The following DMGDH variants were observed in gnomAD, a reference collection of about 807,000 sequenced individuals.
The protein encoded by DMGDH is dimethylglycine dehydrogenase, mitochondrial.
In DMGDH, 76 loss-of-function variants were observed where a neutral mutation model predicts 95.2. The ratio of observed to expected loss-of-function variants is 0.80; its 90% CI spans 0.66 to 0.97. The LOEUF is 0.97. DMGDH is among the 50% of genes least tolerant of loss of function. The probability of loss-of-function intolerance (pLI) is 0.00; values close to 1 mark genes in which losing one functional copy is unlikely to be tolerated. For missense variants in DMGDH, 987 were observed against 1,055.0 expected (o/e 0.94, Z 0.89); for synonymous variants, 345 against 377.6 (o/e 0.91, Z 1.00).
chr5:79,005,460 G>C (rs918106413), intron 14 of DMGDH, 53 bp from the exon 15 acceptor site: 42 of 1,611,282 alleles, frequency 2.6e-5, no homozygotes, highest in Middle Eastern at 3.3e-4. Context: ...ACTGTGACAA[G>C]GTTAGAGATG....
intron 14 of DMGDH, among the ~76,000 whole-genome samples, chr5:79,010,403 G>C (rs1333946713): frequency 6.6e-6 from 1 of 152,086 alleles, no homozygotes; most frequent in African/African-American, 2.4e-5. Flanking sequence ...ATACAGTCTT[G>C]GACCTTTTCT....
intron 7 of DMGDH, among the ~76,000 whole-genome samples, chr5:79,036,693 A>G (rs374231991): frequency 7.9e-5 from 12 of 152,202 alleles, no homozygotes; most frequent in East Asian, 3.8e-4. Context: ...ACCAAGAATT[A>G]CAGATATTAT....
chr5:79,032,598 A>G, intron 9 of DMGDH, 89 bp downstream of exon 9: 1 of 1,547,036 alleles, frequency 6.5e-7, no homozygotes, highest in African/African-American at 1.4e-5. Flanking sequence ...GGGTGGAGCA[A>G]TGGAGTGTAA....
chr5:79,057,109 T>C (rs1258465059), intron 2 of DMGDH, among the ~76,000 whole-genome samples: 1 of 152,242 alleles, frequency 6.6e-6, no homozygotes, highest in Non-Finnish European at 1.5e-5. Flanking sequence ...TTTAACCTGT[T>C]TGATGAGCAC....
intron 14 of DMGDH, chr5:79,021,328 G>A: frequency 9.1e-7 from 1 of 1,095,036 alleles, no homozygotes; most frequent in Non-Finnish European, 1.1e-6. Flanking sequence ...TGAGATCTGA[G>A]AGCCATCAGG....
intron 12 of DMGDH, among the ~76,000 whole-genome samples, chr5:79,026,995 C>A (rs1264912757): frequency 6.6e-6 from 1 of 152,168 alleles, no homozygotes; most frequent in African/African-American, 2.4e-5. Flanking sequence ...CCAAAAATCA[C>A]AAGCTTAAAA....
At chr5:79,004,358 G>A (rs913983999) in intron 15 of DMGDH, among the ~76,000 whole-genome samples, 1 of 152,166 alleles carries the variant, frequency 6.6e-6, no homozygotes, top group African/African-American at 2.4e-5. Context: ...CACTCTTTGT[G>A]TTACTGATGA....
At chr5:79,020,530 G>GTACT (rs1281193468) in intron 14 of DMGDH, 1 of 333,762 alleles carries the variant, frequency 3.0e-6, no homozygotes, top group Non-Finnish European at 4.3e-6. Flanking sequence ...CTGGGGTGTG[G>GTACT]AAGGCTTGGT....
intron 14 of DMGDH, 121 bp from the exon 15 acceptor site, chr5:79,005,528 C>T: frequency 7.5e-7 from 1 of 1,336,320 alleles, no homozygotes; most frequent in South Asian, 1.3e-5. Context: ...AATAAAAATA[C>T]AGATCGGATC....
chr5:79,058,507 G>A (rs971525794), intron 2 of DMGDH, among the ~76,000 whole-genome samples: 1 of 152,116 alleles, frequency 6.6e-6, no homozygotes, highest in African/African-American at 2.4e-5. Context: ...TTTCATACAG[G>A]AAACAATTAA....
chr5:79,000,117 T>C (rs557149428), intron 15 of DMGDH: 29 of 463,944 alleles, frequency 6.3e-5, no homozygotes, highest in Admixed American at 4.4e-4. Flanking sequence ...GAACATTTTT[T>C]GTTTTTTTTC....
chr5:79,002,634 A>C (rs77739995), intron 15 of DMGDH, among the ~76,000 whole-genome samples: 9,957 of 152,272 alleles, frequency 0.065, 378 homozygotes, highest in Non-Finnish European at 0.078. Flanking sequence ...CACACACACA[A>C]AAAAGTCAAT....
intron 7 of DMGDH, among the ~76,000 whole-genome samples, chr5:79,034,586 T>C (rs529412655): frequency 6.6e-6 from 1 of 152,108 alleles, no homozygotes; most frequent in Admixed American, 6.5e-5. Context: ...GAAAAGGGGA[T>C]ACAAAGCAGA....
intron 11 of DMGDH, 57 bp downstream of exon 11, chr5:79,029,846 TG>T: frequency 6.4e-7 from 1 of 1,564,492 alleles, no homozygotes; most frequent in Non-Finnish European, 8.8e-7. Context: ...AAAAACTTAA[TG>T]TAAGATTGAG....
At chr5:79,023,010 T>C in intron 14 of DMGDH, among the ~76,000 whole-genome samples, 1 of 152,214 alleles carries the variant, frequency 6.6e-6, no homozygotes, top group East Asian at 1.9e-4. Flanking sequence ...AGATGGTACA[T>C]CATAAAAATA....
chr5:79,001,298 G>T (rs1054572045), intron 15 of DMGDH, among the ~76,000 whole-genome samples: 2 of 152,184 alleles, frequency 1.3e-5, no homozygotes, highest in East Asian at 1.9e-4. Flanking sequence ...GAGTAGCTGG[G>T]ACTACAGGTG....
At chr5:79,013,145 G>A (rs562900932) in intron 14 of DMGDH, among the ~76,000 whole-genome samples, 2 of 151,662 alleles carry the variant, frequency 1.3e-5, no homozygotes, top group South Asian at 4.2e-4. Context: ...ACACACATGA[G>A]CATTGACTGT....
At chr5:79,031,726 T>C (rs968657957) in intron 9 of DMGDH, among the ~76,000 whole-genome samples, 1 of 152,252 alleles carries the variant, frequency 6.6e-6, no homozygotes, top group African/African-American at 2.4e-5. Context: ...TCTAATGTGG[T>C]ATTTTAACTT....
chr5:79,032,587 AG>A (rs1373339101), intron 9 of DMGDH, 99 bp downstream of exon 9: 1 of 1,494,602 alleles, frequency 6.7e-7, no homozygotes, highest in Non-Finnish European at 9.3e-7. Flanking sequence ...TCCTTGGAAC[AG>A]GGTGGAGCAA....
Sources: allele counts gnomAD v4.1 joint callset (sites outside exome capture counted in the v4.1 genomes callset), GRCh38; gene constraint gnomAD v4.1.1; transcripts MANE v1.5; gene names NCBI Gene and HGNC (gene_info 2026-07-23, HGNC 2026-07-21).